Variants in UTP14C observed in about 807,000 individuals in gnomAD.
The protein encoded by UTP14C is UTP14C small subunit processome component.
In UTP14C, 10 loss-of-function variants were observed where a neutral mutation model predicts 14.6. The observed-to-expected ratio is 0.68, with a 90% confidence interval of 0.42 to 1.16. UTP14C has a LOEUF of 1.16. Among genes scored for constraint, UTP14C ranks in the 50% most tolerant of loss-of-function variants. The probability of loss-of-function intolerance (pLI) is 0.00; values close to 1 mark genes in which losing one functional copy is unlikely to be tolerated. For synonymous variants in UTP14C, 315 were observed against 331.6 expected (o/e 0.95, Z 0.54); for missense variants, 818 against 890.8 (o/e 0.92, Z 1.04).
At position 52,032,357 on chromosome 13, in the gene UTP14C, A is replaced by G. The variant is rs1954314115; in HGVS notation, c.*1252A>G. 1 of 167,120 alleles carries G rather than the reference A, an allele frequency of 6.0e-6. No individual in the cohort carries two copies. Among genetic ancestry groups the G allele is most frequent in the Admixed American group, 6.5e-5 (1 of 15,294 alleles). The allele number at this position is 167,120 out of a possible 1,614,324, so 10.4% of individuals were successfully genotyped here. The stretch of plus-strand genomic sequence containing the variant: ...GTTAGTTACTAGGCCAGTAGCTAGG[A>G]ATTGGTATAAATTTAATGCACCTTC... On this transcript the variant is annotated 3_prime_UTR_variant, in exon 2 of 2. Coordinates refer to ENST00000521776, the MANE Select transcript of UTP14C (RefSeq NM_021645.6).
chr13:52,029,332 C>G lies in UTP14C; in HGVS notation c.528C>G (p.Gly176=). The change falls in exon 2 of 2, where the codon GGC becomes GGG. Residue 176 remains glycine (G), a synonymous_variant. Transcript: ENST00000521776. ...CTCCCATTGAACATGCGCTCAGTGGCTGGAAGGCAAGAACTCCCCTGGAGC... is the reference window on the plus strand; with the variant it reads ...CTCCCATTGAACATGCGCTCAGTGGGTGGAAGGCAAGAACTCCCCTGGAGC... ...AIAPIEHALS[G]WKARTPLEQE... 1.2e-6 allele frequency: 2 copies of G among 1,614,188 alleles called. No individual in the cohort carries two copies. Among genetic ancestry groups the G allele is most frequent in the Non-Finnish European group, 1.7e-6 (2 of 1,180,042 alleles).
chr13:52,024,996 T>G (rs1954227078), intron 1 of UTP14C, 59 bp downstream of exon 1: 2 of 1,523,136 alleles, frequency 1.3e-6, no homozygotes, highest in Non-Finnish European at 1.8e-6. Flanking sequence ...TTAAGTTCTT[T>G]TGATAAAATG....
Position 52,030,440 on chromosome 13 carries a change from G to A in UTP14C, c.1636G>A (p.Ala546Thr). Reference protein sequence around the residue: ...SERTPNNRPDAPKEKKEKEQL... With the variant: ...SERTPNNRPDTPKEKKEKEQL... ...GAGGACCCCAAATAATCGGCCTGAT[G>A]CCCCTAAGGAGAAGAAAGAGAAGGA... The change falls in exon 2 of 2, where the codon GCC becomes ACC. Residue 546 changes from alanine (A) to threonine (T), a missense_variant. Coordinates refer to ENST00000521776, the MANE Select transcript of UTP14C (RefSeq NM_021645.6). The A allele has an allele frequency of 6.2e-7, 1 of 1,614,232 alleles. No individual in the cohort carries two copies. Among genetic ancestry groups the A allele is most frequent in the Non-Finnish European group, 8.5e-7 (1 of 1,180,038 alleles).
rs908255590 is a variant in UTP14C, at chr13:52,031,567, C to T, written c.*462C>T. 1.1e-5 allele frequency: 2 copies of T among 176,970 alleles called. No homozygotes were observed. Among genetic ancestry groups the T allele is most frequent in the African/African-American group, 4.8e-5 (2 of 41,508 alleles). The allele number at this position is 176,970 out of a possible 1,614,324, so 11.0% of individuals were successfully genotyped here. ...ACATTTGTGTGGGTCTCTCATTGTC[C>T]CTTAACAGTGCCGCATCTCAGCCTG... On this transcript the variant is annotated 3_prime_UTR_variant, in exon 2 of 2. Coordinates refer to ENST00000521776, the MANE Select transcript of UTP14C (RefSeq NM_021645.6).
At position 52,031,770 on chromosome 13, in the gene UTP14C, T is replaced by A. The variant is rs1954308306; in HGVS notation, c.*665T>A. The A allele has an allele frequency of 6.0e-6, 1 of 167,130 alleles. No individual in the cohort carries two copies. The highest frequency in any genetic ancestry group is 1.9e-4 in the East Asian group (1 of 5,210). 10.4% of individuals were successfully genotyped at this position (167,130 alleles called of 1,614,324 possible). On this transcript the variant is annotated 3_prime_UTR_variant, in exon 2 of 2. Coordinates refer to ENST00000521776, the MANE Select transcript of UTP14C (RefSeq NM_021645.6). The stretch of plus-strand genomic sequence containing the variant: ...AGCACATCTGGGCCTACCTTCAGCT[T>A]CTTCATTTACAAACTTCTGACCTTT...
chr13:52,028,978 G>A lies in UTP14C; in HGVS notation c.174G>A (p.Arg58=). ...TTTCCCTTGATGGAAAGAATAGGCGGAAATTGGCTGAGAGGTCTGAGGCTA... is the reference window on the plus strand; with the variant it reads ...TTTCCCTTGATGGAAAGAATAGGCGAAAATTGGCTGAGAGGTCTGAGGCTA... ...AIISLDGKNR[R]KLAERSEASL... Residue 58 remains arginine, a synonymous_variant, in exon 2 of 2, where the codon CGG becomes CGA. Coordinates refer to ENST00000521776, the MANE Select transcript of UTP14C (RefSeq NM_021645.6). 1 of 1,614,258 alleles carries A rather than the reference G, an allele frequency of 6.2e-7. No homozygotes were observed. Among genetic ancestry groups the A allele is most frequent in the Non-Finnish European group, 8.5e-7 (1 of 1,180,046 alleles).
rs757754000 is a variant in UTP14C at position 52,030,652 on chromosome 13, G to A, written c.1848G>A (p.Glu616=). 1 of 1,614,114 alleles carries A rather than the reference G, an allele frequency of 6.2e-7. No homozygotes were observed. Among genetic ancestry groups the A allele is most frequent in the Non-Finnish European group, 8.5e-7 (1 of 1,180,052 alleles). Reference sequence around the variant, plus strand: ...TGAAAGAGAAGAGGGAAGCTGTGGAGGCGAGTAAGCCAAAGGACGTGGACC... The same window carrying A: ...TGAAAGAGAAGAGGGAAGCTGTGGAAGCGAGTAAGCCAAAGGACGTGGACC... ...DFLKEKREAV[E]ASKPKDVDLT... The change falls in exon 2 of 2, where the codon GAG becomes GAA. Residue 616 remains glutamate (E), a synonymous_variant. Coordinates refer to ENST00000521776, the MANE Select transcript of UTP14C (RefSeq NM_021645.6).
chr13:52,029,421 T>C lies in UTP14C; in HGVS notation c.617T>C (p.Met206Thr). The C allele has an allele frequency of 3.7e-6, 6 of 1,613,936 alleles. No individual in the cohort carries two copies. The highest frequency in any genetic ancestry group is 5.1e-6 in the Non-Finnish European group (6 of 1,179,992). The change falls in exon 2 of 2, where the codon ATG becomes ACG. Residue 206 changes from methionine to threonine, a missense_variant. Transcript: ENST00000521776. ...GTGACAGATCCTTTACTGACTCCCA[T>C]GGAAAAGGCCTCTCTCCAAGCCATG... ...QPVTDPLLTP[M>T]EKASLQAMSL... is the part of the protein sequence containing the mutation.
chr13:52,026,494 G>A (rs537686982), intron 1 of UTP14C, among the ~76,000 whole-genome samples: 19 of 152,308 alleles, frequency 1.2e-4, no homozygotes, highest in Admixed American at 8.5e-4. Flanking sequence ...AAGATGAGCC[G>A]GCCTACTGTA....
Position 52,030,037 on chromosome 13 carries a change from A to G in UTP14C, c.1233A>G (p.Pro411=), listed in dbSNP as rs1203001081. 1 of 1,614,248 alleles carries G rather than the reference A, an allele frequency of 6.2e-7. No homozygotes were observed. The highest frequency in any genetic ancestry group is 1.1e-5 in the South Asian group (1 of 91,088). ...EVSASEAEER[P]VAEEEILLRE... is the part of the protein sequence containing the mutation. ...CTGCAAGTGAGGCAGAAGAAAGACC[A>G]GTGGCAGAGGAAGAAATTTTGTTGA... Residue 411 remains proline (P), a synonymous_variant, in exon 2 of 2, where the codon CCA becomes CCG. Coordinates refer to ENST00000521776, the MANE Select transcript of UTP14C (RefSeq NM_021645.6).
In UTP14C at chr13:52,030,771, C is replaced by T. The variant is rs766374329; in HGVS notation, c.1967C>T (p.Pro656Leu). The change falls in exon 2 of 2, where the codon CCT (proline) becomes CTT (leucine). Residue 656 changes from proline to leucine, a missense_variant. By Grantham distance (98) the Pro-to-Leu change is moderately conservative. Transcript: ENST00000521776. ...TTTCTCATTAAAGCCCCTGAGGGTCCTCCAAGAAAAGATAAGAATTTGCCA... is the reference window on the plus strand; with the variant it reads ...TTTCTCATTAAAGCCCCTGAGGGTCTTCCAAGAAAAGATAAGAATTTGCCA... Reference protein sequence around the residue: ...RQFLIKAPEGPPRKDKNLPNV... With the variant: ...RQFLIKAPEGLPRKDKNLPNV... 1.9e-6 allele frequency: 3 copies of T among 1,614,054 alleles called. No individual in the cohort carries two copies. The highest frequency in any genetic ancestry group is 2.5e-6 in the Non-Finnish European group (3 of 1,180,054).
chr13:52,026,700 G>A (rs2140843924), intron 1 of UTP14C, among the ~76,000 whole-genome samples: 1 of 152,336 alleles, frequency 6.6e-6, no homozygotes, highest in African/African-American at 2.4e-5. Context: ...GGAAATCCAA[G>A]AGCAAATGCC....
In UTP14C at chr13:52,030,437, G is replaced by A. The variant is rs1315418684; in HGVS notation, c.1633G>A (p.Asp545Asn). ...QSERTPNNRP[D>N]APKEKKEKEQ... ...AGAGAGGACCCCAAATAATCGGCCT[G>A]ATGCCCCTAAGGAGAAGAAAGAGAA... The change falls in exon 2 of 2, where the codon GAT becomes AAT. Residue 545 changes from aspartate to asparagine, a missense_variant. Transcript: ENST00000521776. 3 of 1,614,114 alleles carry A rather than the reference G, an allele frequency of 1.9e-6. No individual in the cohort carries two copies. The highest frequency in any genetic ancestry group is 2.2e-5 in the East Asian group (1 of 44,894).
chr13:52,028,072 A>C (rs540311823), intron 1 of UTP14C, among the ~76,000 whole-genome samples: 1 of 152,290 alleles, frequency 6.6e-6, no homozygotes, highest in South Asian at 2.1e-4. Flanking sequence ...CAGCCTGGGC[A>C]ACATAGTGAG....
intron 1 of UTP14C, among the ~76,000 whole-genome samples, chr13:52,026,439 G>A (rs1230449958): frequency 6.6e-6 from 1 of 152,224 alleles, no homozygotes. Flanking sequence ...GCCACATGGG[G>A]AGTGGATCAG....
rs770937958 is a variant in UTP14C at position 52,029,323 on chromosome 13, G to T, written c.519G>T (p.Ala173=). ...EQPAIAPIEH[A]LSGWKARTPL... ...CAGCCATTGCTCCCATTGAACATGCGCTCAGTGGCTGGAAGGCAAGAACTC... is the reference window on the plus strand; with the variant it reads ...CAGCCATTGCTCCCATTGAACATGCTCTCAGTGGCTGGAAGGCAAGAACTC... Residue 173 remains alanine, a synonymous_variant, in exon 2 of 2, where the codon GCG becomes GCT. Coordinates refer to ENST00000521776, the MANE Select transcript of UTP14C (RefSeq NM_021645.6). 6.2e-7 allele frequency: 1 copy of T among 1,614,074 alleles called. No homozygotes were observed. The highest frequency in any genetic ancestry group is 1.3e-5 in the African/African-American group (1 of 74,992).
chr13:52,029,903 G>A lies in UTP14C; in HGVS notation c.1099G>A (p.Val367Met). The change falls in exon 2 of 2, where the codon GTG (valine) becomes ATG (methionine). Residue 367 changes from valine (V) to methionine (M), a missense_variant. Physicochemically the swap from Val to Met is conservative, Grantham distance 21. Coordinates refer to ENST00000521776, the MANE Select transcript of UTP14C (RefSeq NM_021645.6). ...TGTAGCGAATGAAGTGCAGATGAAT[G>A]TGGACGGACCGAATCCCTGGATGTT... ...PHVANEVQMN[V>M]DGPNPWMFRS... The A allele has an allele frequency of 6.2e-7, 1 of 1,614,234 alleles. No individual in the cohort carries two copies. Among genetic ancestry groups the A allele is most frequent in the Non-Finnish European group, 8.5e-7 (1 of 1,180,044 alleles).
chr13:52,029,247 T>C lies in UTP14C; in HGVS notation c.443T>C (p.Leu148Pro). The C allele has an allele frequency of 4.3e-6, 7 of 1,614,204 alleles. No homozygotes were observed. The highest frequency in any genetic ancestry group is 5.9e-6 in the Non-Finnish European group (7 of 1,180,028). The change falls in exon 2 of 2, where the codon CTG becomes CCG. Residue 148 changes from leucine (L) to proline (P), a missense_variant. By Grantham distance (98) the Leu-to-Pro change is moderately conservative. Coordinates refer to ENST00000521776, the MANE Select transcript of UTP14C (RefSeq NM_021645.6). Reference sequence around the variant, plus strand: ...CTCTCCAAATGGGACCCTATCATCCTGAAGAACCAGCAGGCAGAGCAGCTG... The same window carrying C: ...CTCTCCAAATGGGACCCTATCATCCCGAAGAACCAGCAGGCAGAGCAGCTG... ...QVLSKWDPII[L>P]KNQQAEQLVF... is the part of the protein sequence containing the mutation.
At position 52,029,468 on chromosome 13, in the gene UTP14C, C is replaced by G. The variant is rs749546864; in HGVS notation, c.664C>G (p.His222Asp). The G allele has an allele frequency of 9.9e-6, 16 of 1,614,080 alleles. No individual in the cohort carries two copies. Among genetic ancestry groups the G allele is most frequent in the Middle Eastern group, 1.6e-4 (1 of 6,084 alleles). The change falls in exon 2 of 2, where the codon CAC becomes GAC. Residue 222 changes from histidine (H) to aspartate (D), a missense_variant. His to Asp is a moderately conservative substitution (Grantham distance 81, BLOSUM62 -1). Transcript: ENST00000521776. ...QAMSLEEAKM[H>D]RAELQRARAL... ...CATGAGCCTGGAAGAGGCAAAGATGCACCGAGCAGAGCTTCAGAGGGCTCG... is the reference window on the plus strand; with the variant it reads ...CATGAGCCTGGAAGAGGCAAAGATGGACCGAGCAGAGCTTCAGAGGGCTCG...
Sources: allele counts gnomAD v4.1 joint callset (sites outside exome capture counted in the v4.1 genomes callset), GRCh38; gene constraint gnomAD v4.1.1; transcripts MANE v1.5; gene names NCBI Gene and HGNC (gene_info 2026-07-23, HGNC 2026-07-21).